PITPNC1: variants seen among roughly 807,000 people sequenced by gnomAD.
The protein encoded by PITPNC1 is phosphatidylinositol transfer protein cytoplasmic 1.
Under a neutral mutation model 44.7 loss-of-function variants are expected in PITPNC1, and 18 were observed. The ratio of observed to expected loss-of-function variants is 0.40; its 90% CI spans 0.28 to 0.60. PITPNC1 has a LOEUF of 0.60. Ranked by LOEUF, PITPNC1 falls within the 20% of genes least tolerant of loss-of-function variation. The pLI, the probability that PITPNC1 is intolerant of heterozygous loss-of-function variation, is 0.39. For synonymous variants in PITPNC1, 141 were observed against 149.6 expected, an observed-to-expected ratio of 0.94 and a Z score of 0.42; for missense variants, 290 against 418.4, an observed-to-expected ratio of 0.69 and a Z score of 2.68.
At chr17:67,605,027 C>T (rs768167968) in intron 5 of PITPNC1, among the ~76,000 whole-genome samples, 1 of 150,608 alleles carries the variant, frequency 6.6e-6, no homozygotes, top group African/African-American at 2.4e-5. Flanking sequence ...TGCAGTGAGC[C>T]GAAATCGCGC....
chr17:67,586,425 CAAA>C (rs33998127), intron 5 of PITPNC1, among the ~76,000 whole-genome samples: 12 of 110,558 alleles, frequency 1.1e-4, no homozygotes, highest in Non-Finnish European at 1.5e-4. Context: ...GTTTCTACTT[CAAA>C]AAAAAAAAAA....
In PITPNC1 at chr17:67,422,010, C is replaced by T. The variant is rs191949198; in HGVS notation, c.48+43808C>T. On this transcript the variant is annotated intron_variant, in intron 1 of 8. Coordinates refer to ENST00000581322, the MANE Select transcript of PITPNC1 (RefSeq NM_012417.4). Reference sequence around the variant, plus strand: ...CGAATTGAAGTTGAAATTTACAGTGCGAGATGAGCCAAGAATCTGTGAACC... The same window carrying T: ...CGAATTGAAGTTGAAATTTACAGTGTGAGATGAGCCAAGAATCTGTGAACC... 1.8e-3 allele frequency among the ~76,000 whole-genome samples: 271 copies of T among 152,186 alleles called. 5 individuals are homozygous for T. The highest frequency in any genetic ancestry group is 2.4e-3 in the Admixed American group (37 of 15,272).
At chr17:67,522,409 G>A (rs1047246070) in intron 1 of PITPNC1, among the ~76,000 whole-genome samples, 4 of 152,044 alleles carry the variant, frequency 2.6e-5, no homozygotes, top group South Asian at 2.1e-4. Context: ...TTGTTTCTCC[G>A]GGGAGTCTTT....
intron 1 of PITPNC1, among the ~76,000 whole-genome samples, chr17:67,482,971 T>A (rs986774605): frequency 6.6e-6 from 1 of 150,664 alleles, no homozygotes; most frequent in South Asian, 2.1e-4. Context: ...CCTGCCGCCC[T>A]GTACCACAGT....
chr17:67,491,085 G>A (rs545988098), intron 1 of PITPNC1, among the ~76,000 whole-genome samples: 2 of 152,330 alleles, frequency 1.3e-5, no homozygotes, highest in South Asian at 4.1e-4. Context: ...CTTCCATGGT[G>A]ACTTCTTCTT....
intron 1 of PITPNC1, among the ~76,000 whole-genome samples, chr17:67,402,734 G>A (rs1394413754): frequency 6.6e-6 from 1 of 152,018 alleles, no homozygotes; most frequent in African/African-American, 2.4e-5. Flanking sequence ...TGGCGCAATC[G>A]CTGTTCACTG....
chr17:67,425,071 C>G (rs2038726550), intron 1 of PITPNC1, among the ~76,000 whole-genome samples: 1 of 152,076 alleles, frequency 6.6e-6, no homozygotes, highest in South Asian at 2.1e-4. Context: ...AAACATTCCT[C>G]CAAATTCCAC....
In PITPNC1 at chr17:67,573,037, C is replaced by T. The variant is rs1274995033; in HGVS notation, c.295-5149C>T. On this transcript the variant is annotated intron_variant, in intron 4 of 8. Coordinates refer to ENST00000581322, the MANE Select transcript of PITPNC1 (RefSeq NM_012417.4). ...AACACCTTGGTTTCAGGCTTCTGGC[C>T]TCCAGAACTGTGAGAGAATAAATTG... Among the ~76,000 whole-genome samples the T allele has an allele frequency of 2.0e-5, 3 of 152,308 alleles. No individual in the cohort carries two copies. The East Asian group carries it at 5.8e-4, about 29-fold the overall frequency.
At chr17:67,438,300 G>A (rs1452485625) in intron 1 of PITPNC1, among the ~76,000 whole-genome samples, 1 of 148,838 alleles carries the variant, frequency 6.7e-6, no homozygotes, top group African/African-American at 2.5e-5. Context: ...AAAGAGAACA[G>A]AGTTCTAAGT....
chr17:67,604,996 T>A (rs2041590350), intron 5 of PITPNC1, among the ~76,000 whole-genome samples: 1 of 151,964 alleles, frequency 6.6e-6, no homozygotes, highest in South Asian at 2.1e-4. Flanking sequence ...GGAGAATCGT[T>A]TGAAACCGGG....
At chr17:67,535,695 C>T (rs569251162) in intron 2 of PITPNC1, among the ~76,000 whole-genome samples, 2 of 152,274 alleles carry the variant, frequency 1.3e-5, no homozygotes, top group South Asian at 4.1e-4. Context: ...ATGACAAACA[C>T]AGGATGAAAT....
At chr17:67,427,414 G>A (rs1032132963) in intron 1 of PITPNC1, among the ~76,000 whole-genome samples, 4 of 151,944 alleles carry the variant, frequency 2.6e-5, no homozygotes, top group East Asian at 1.9e-4. Flanking sequence ...GGGTTTCACT[G>A]TGTTAGCCAG....
At chr17:67,582,634 A>G (rs1440648996) in intron 5 of PITPNC1, among the ~76,000 whole-genome samples, 1 of 152,230 alleles carries the variant, frequency 6.6e-6, no homozygotes, top group Non-Finnish European at 1.5e-5. Context: ...CCTTGTTAAA[A>G]ATAAAACCAG....
chr17:67,503,323 A>G (rs2040060335), intron 1 of PITPNC1, among the ~76,000 whole-genome samples: 1 of 152,100 alleles, frequency 6.6e-6, no homozygotes. Flanking sequence ...AAAAAATGAT[A>G]TCACTTAATG....
chr17:67,459,939 T>C (rs2039311912), intron 1 of PITPNC1: 1 of 152,200 alleles, frequency 6.6e-6, no homozygotes, highest in Non-Finnish European at 1.5e-5. Context: ...TAATAATTAC[T>C]TTATCATCAC....
chr17:67,392,738 C>G (rs1413131756), intron 1 of PITPNC1, among the ~76,000 whole-genome samples: 1 of 152,130 alleles, frequency 6.6e-6, no homozygotes, highest in Non-Finnish European at 1.5e-5. Flanking sequence ...ATATTGTCAC[C>G]TAAAAGGAAC....
At chr17:67,399,026 T>G (rs1282313895) in intron 1 of PITPNC1, among the ~76,000 whole-genome samples, 1 of 147,086 alleles carries the variant, frequency 6.8e-6, no homozygotes, top group African/African-American at 2.6e-5. Context: ...TTTTTTTTTT[T>G]TTTTTTGAGA....
intron 6 of PITPNC1, among the ~76,000 whole-genome samples, chr17:67,642,483 T>C (rs962678304): frequency 1.3e-5 from 2 of 152,176 alleles, no homozygotes; most frequent in African/African-American, 4.8e-5. Context: ...CTCAGCCATC[T>C]TGACAACAAT....
rs1568047862 is a variant in PITPNC1 at position 67,575,861 on chromosome 17, TCCTTCTTTCTTTCTTTCC to T, written c.295-2324_295-2307del. 3.6e-4 allele frequency among the ~76,000 whole-genome samples: 10 copies of T among 27,794 alleles called. 1 individual carries two copies. The highest frequency in any genetic ancestry group is 1.7e-3 in the East Asian group (1 of 606). The allele number at this position is 27,794 out of a possible 152,430, so 18.2% of individuals were successfully genotyped here. A position where few individuals can be genotyped will look rare whatever the true frequency, so the allele number is the denominator to read the frequency against. On this transcript the variant is annotated intron_variant, in intron 4 of 8. Transcript: ENST00000581322. ...TTCCTTCTTTCTTTCTTTCTTTCCT[TCCTTCTTTCTTTCTTTCC>T]TTTTTTTTTTTTTTTGAGACTGAGT...
Sources: allele counts gnomAD v4.1 joint callset (sites outside exome capture counted in the v4.1 genomes callset), GRCh38; gene constraint gnomAD v4.1.1; transcripts MANE v1.5; gene names NCBI Gene and HGNC (gene_info 2026-07-23, HGNC 2026-07-21).